Variants in CEP85L observed in about 807,000 individuals in gnomAD.
The protein encoded by CEP85L is centrosomal protein 85L.
CEP85L carries 60 observed loss-of-function variants against 100.3 expected under a neutral mutation model. The ratio of observed to expected loss-of-function variants is 0.60; its 90% CI spans 0.49 to 0.74. The LOEUF (loss-of-function observed/expected upper bound fraction) is 0.74, where lower values mean the gene tolerates loss of function less well. Among genes scored for constraint, CEP85L ranks in the 30% least tolerant of loss-of-function variants. CEP85L has a pLI of 0.00. For missense variants in CEP85L, 973 were observed against 936.2 expected (o/e 1.04, Z -0.51); for synonymous variants, 319 against 322.7 (o/e 0.99, Z 0.12).
chr6:118,573,277 A>C (rs1304947104), intron 2 of CEP85L, among the ~76,000 whole-genome samples: 1 of 152,204 alleles, frequency 6.6e-6, no homozygotes, highest in Non-Finnish European at 1.5e-5. Context: ...CAATGGACTA[A>C]TATCTTCAAA....
Position 118,576,110 on chromosome 6 carries a change from C to G in CEP85L, c.233-9794G>C, listed in dbSNP as rs573857523. Among the ~76,000 whole-genome samples the G allele has an allele frequency of 4.6e-5, 7 of 152,208 alleles. No homozygotes were observed. In the South Asian group the frequency reaches 1.5e-3, roughly 32 times the overall value. ...CAGGGAAAGTAGAAAAAAAAATGAA[C>G]CAAAATCTAAAAAATCACCTAACCA... On this transcript the variant is annotated intron_variant, in intron 2 of 12. Transcript: ENST00000368491.
chr6:118,698,558 T>A (rs1777289987), intron 1 of CEP85L, among the ~76,000 whole-genome samples: 1 of 151,434 alleles, frequency 6.6e-6, no homozygotes. Flanking sequence ...AAAAGGATTG[T>A]CCAGATGAAC....
At chr6:118,680,270 GGAAAAAAAAAAAAAAA>G (rs1776608225) in intron 1 of CEP85L, among the ~76,000 whole-genome samples, 1 of 126,308 alleles carries the variant, frequency 7.9e-6, no homozygotes. Flanking sequence ...TCCAGCCTGG[GGAAAAAAAAAAAAAAA>G]GAATCTTTCC....
At chr6:118,573,069 A>AAAT (rs1205512407) in intron 2 of CEP85L, among the ~76,000 whole-genome samples, 1 of 151,894 alleles carries the variant, frequency 6.6e-6, no homozygotes, top group Admixed American at 6.6e-5. Flanking sequence ...TCTCCAAAAA[A>AAAT]AATAATAATA....
At chr6:118,668,539 G>C (rs1298035412) in intron 1 of CEP85L, among the ~76,000 whole-genome samples, 3 of 152,096 alleles carry the variant, frequency 2.0e-5, no homozygotes, top group Non-Finnish European at 2.9e-5. Flanking sequence ...TGAGCCCAGG[G>C]GTTCAAGTCC....
At chr6:118,693,602 A>G (rs554735936) in intron 1 of CEP85L, among the ~76,000 whole-genome samples, 2 of 152,332 alleles carry the variant, frequency 1.3e-5, no homozygotes, top group South Asian at 2.1e-4. Flanking sequence ...GATTTATTGA[A>G]AGGCTATTGG....
intron 1 of CEP85L, among the ~76,000 whole-genome samples, chr6:118,687,022 A>G (rs1387729320): frequency 1.3e-5 from 2 of 152,046 alleles, no homozygotes; most frequent in Non-Finnish European, 2.9e-5. Flanking sequence ...AACTTCACTC[A>G]TATTGATCTT....
intron 2 of CEP85L, among the ~76,000 whole-genome samples, chr6:118,587,567 T>C (rs1214032690): frequency 6.6e-6 from 1 of 152,194 alleles, no homozygotes; most frequent in East Asian, 1.9e-4. Flanking sequence ...AGTAACCAAC[T>C]TGACTATAAT....
chr6:118,643,237 A>G (rs1277486018), intron 1 of CEP85L, among the ~76,000 whole-genome samples: 1 of 152,230 alleles, frequency 6.6e-6, no homozygotes, highest in Non-Finnish European at 1.5e-5. Flanking sequence ...TTTTCAGTAC[A>G]TTATTCCTAA....
intron 10 of CEP85L, among the ~76,000 whole-genome samples, chr6:118,475,068 A>T (rs1487781090): frequency 6.6e-6 from 1 of 152,236 alleles, no homozygotes; most frequent in Non-Finnish European, 1.5e-5. Flanking sequence ...CAATTAGTGG[A>T]GCCTAACAGC....
intron 12 of CEP85L, among the ~76,000 whole-genome samples, chr6:118,468,489 G>A (rs1294634122): frequency 2.6e-5 from 4 of 152,166 alleles, no homozygotes; most frequent in Admixed American, 2.0e-4. Context: ...AGGGACACTA[G>A]GATTATTACT....
rs148826386 is a variant in CEP85L, at chr6:118,555,602, T to G, written c.1020+9927A>C. Among the ~76,000 whole-genome samples the G allele has an allele frequency of 3.7e-3, 565 of 152,284 alleles. 3 individuals carry two copies. Among genetic ancestry groups the G allele is most frequent in the African/African-American group, 0.013 (539 of 41,554 alleles). On this transcript the variant is annotated intron_variant, in intron 3 of 12. Transcript: ENST00000368491. ...TCTATTTATATTTTACCTGAAGAAT[T>G]CAAACAAAAGTCATTAAATATATGT...
chr6:118,646,955 G>T, intron 1 of CEP85L: 1 of 985,334 alleles, frequency 1.0e-6, no homozygotes, highest in Non-Finnish European at 1.2e-6. Context: ...TTCAAGCCAG[G>T]AAGTGATCAA....
intron 5 of CEP85L, among the ~76,000 whole-genome samples, chr6:118,500,830 T>C (rs1775251220): frequency 6.6e-6 from 1 of 152,130 alleles, no homozygotes; most frequent in Non-Finnish European, 1.5e-5. Context: ...CAAACAAACA[T>C]CTTGAAGGGA....
intron 3 of CEP85L, among the ~76,000 whole-genome samples, chr6:118,543,886 A>T (rs988307130): frequency 2.0e-5 from 3 of 152,242 alleles, no homozygotes; most frequent in Admixed American, 2.0e-4. Context: ...AAAGAGTCAC[A>T]ACGAAGGGTA....
At chr6:118,481,109 G>A (rs1321549879) in intron 8 of CEP85L, among the ~76,000 whole-genome samples, 1 of 151,892 alleles carries the variant, frequency 6.6e-6, no homozygotes, top group Non-Finnish European at 1.5e-5. Flanking sequence ...AAGATACATG[G>A]CAAAACTGCT....
At chr6:118,533,382 T>TA (rs1169542383) in intron 3 of CEP85L, among the ~76,000 whole-genome samples, 1 of 152,162 alleles carries the variant, frequency 6.6e-6, no homozygotes, top group East Asian at 1.9e-4. Context: ...ACCAACTTCT[T>TA]AAAAAACACA....
At chr6:118,554,573 G>T (rs564469412) in intron 3 of CEP85L, among the ~76,000 whole-genome samples, 26 of 152,258 alleles carry the variant, frequency 1.7e-4, no homozygotes, top group African/African-American at 6.3e-4. Flanking sequence ...TAAACACACA[G>T]TTTCTTTACT....
chr6:118,554,577 C>G (rs996765834), intron 3 of CEP85L, among the ~76,000 whole-genome samples: 8 of 152,168 alleles, frequency 5.3e-5, no homozygotes, highest in African/African-American at 1.9e-4. Flanking sequence ...CACACAGTTT[C>G]TTTACTTCAG....
Sources: gnomAD v4.1 joint callset for allele counts (sites outside exome capture counted in the v4.1 genomes callset) on GRCh38, gnomAD v4.1.1 for gene constraint, MANE v1.5 for transcripts, NCBI Gene and HGNC (gene_info 2026-07-23, HGNC 2026-07-21) for gene names.